GRM7: variants seen among roughly 807,000 people sequenced by gnomAD.
GRM7 encodes glutamate metabotropic receptor 7.
A neutral mutation model predicts 84.5 loss-of-function variants in GRM7; 35 were observed. The ratio of observed to expected loss-of-function variants is 0.41; its 90% CI spans 0.32 to 0.55. The LOEUF (loss-of-function observed/expected upper bound fraction) is 0.55. Ranked by LOEUF, GRM7 falls within the 20% of genes least tolerant of loss-of-function variation. GRM7 has a pLI of 0.19. For missense variants in GRM7, 1,003 were observed against 1,194.6 expected (o/e 0.84, Z 2.36); for synonymous variants, 487 against 455.1 (o/e 1.07, Z -0.89).
chr3:7,379,833 A>T (rs1404295583), intron 4 of GRM7, among the ~76,000 whole-genome samples: 1 of 152,092 alleles, frequency 6.6e-6, no homozygotes, highest in East Asian at 1.9e-4. Context: ...TTAGTTGCCC[A>T]GGGTGCAGTA....
At chr3:7,664,760 A>T (rs1285333536) in intron 8 of GRM7, among the ~76,000 whole-genome samples, 1 of 152,184 alleles carries the variant, frequency 6.6e-6, no homozygotes, top group Non-Finnish European at 1.5e-5. Flanking sequence ...AAAGAAAATT[A>T]TAAAGATACT....
At chr3:7,335,029 C>A (rs1701349909) in intron 4 of GRM7, among the ~76,000 whole-genome samples, 1 of 152,042 alleles carries the variant, frequency 6.6e-6, no homozygotes, top group South Asian at 2.1e-4. Flanking sequence ...AACAAAGAAA[C>A]AATGGGCTTA....
chr3:7,645,300 G>A (rs1039202907), intron 8 of GRM7, among the ~76,000 whole-genome samples: 1 of 152,000 alleles, frequency 6.6e-6, no homozygotes, highest in Admixed American at 6.5e-5. Flanking sequence ...TGTAATCCCA[G>A]CACTTTGGGA....
At chr3:7,322,633 C>A (rs1700827634) in intron 4 of GRM7, among the ~76,000 whole-genome samples, 1 of 151,686 alleles carries the variant, frequency 6.6e-6, no homozygotes, top group Non-Finnish European at 1.5e-5. Flanking sequence ...TTAGCTCTCA[C>A]TTATAAGTGA....
At chr3:7,301,916 G>A (rs749813628) in intron 3 of GRM7, among the ~76,000 whole-genome samples, 16 of 152,118 alleles carry the variant, frequency 1.1e-4, no homozygotes, top group Non-Finnish European at 2.2e-4. Context: ...TCAAAGGCTA[G>A]CAGTGAGAAG....
At chr3:7,424,708 G>C (rs1457714104) in intron 5 of GRM7, among the ~76,000 whole-genome samples, 1 of 152,182 alleles carries the variant, frequency 6.6e-6, no homozygotes, top group Non-Finnish European at 1.5e-5. Context: ...GCCAGTTTCT[G>C]TGCTGAGCCA....
chr3:6,980,150 T>C (rs1467208272), intron 1 of GRM7, among the ~76,000 whole-genome samples: 1 of 152,154 alleles, frequency 6.6e-6, no homozygotes, highest in Non-Finnish European at 1.5e-5. Context: ...TTTCATTCTT[T>C]CACTCTTTCT....
At chr3:7,062,315 G>C (rs962147417) in intron 1 of GRM7, among the ~76,000 whole-genome samples, 7 of 151,604 alleles carry the variant, frequency 4.6e-5, no homozygotes, top group African/African-American at 9.7e-5. Flanking sequence ...ACATGAAGGA[G>C]ACGGTGTACA....
chr3:6,874,136 A>G (rs922145560), intron 1 of GRM7, among the ~76,000 whole-genome samples: 2 of 152,190 alleles, frequency 1.3e-5, no homozygotes, highest in East Asian at 1.9e-4. Context: ...TGTACTGCAT[A>G]CTGTTGTTGT....
chr3:7,404,903 C>G (rs867902735), intron 4 of GRM7, among the ~76,000 whole-genome samples: 2 of 152,236 alleles, frequency 1.3e-5, no homozygotes, highest in Middle Eastern at 3.4e-3. Context: ...TCTTGATAGA[C>G]AATCTCTAAC....
intron 2 of GRM7, among the ~76,000 whole-genome samples, chr3:7,189,788 G>A (rs1458249054): frequency 6.6e-6 from 1 of 151,954 alleles, no homozygotes; most frequent in Non-Finnish European, 1.5e-5. Flanking sequence ...GCAATTTAAT[G>A]GTAACAAATC....
intron 2 of GRM7, among the ~76,000 whole-genome samples, chr3:7,159,903 G>A (rs1395645855): frequency 4.6e-5 from 7 of 152,104 alleles, no homozygotes; most frequent in Non-Finnish European, 8.8e-5. Flanking sequence ...AAGTGCTTAA[G>A]CTTTGGTTTT....
chr3:7,656,551 A>G (rs1310013503), intron 8 of GRM7, among the ~76,000 whole-genome samples: 1 of 130,908 alleles, frequency 7.6e-6, no homozygotes, highest in South Asian at 2.5e-4. Flanking sequence ...GCGCGCGCAC[A>G]CACACACACA....
In GRM7 at chr3:7,688,569, T is replaced by G. The variant is rs532154824; in HGVS notation, c.2698+8274T>G. The stretch of plus-strand genomic sequence containing the variant: ...GGGATATAAGTTGGTTTAAGTTACA[T>G]TAACTCAAGGAACACGTGATTTACT... On this transcript the variant is annotated intron_variant, in intron 9 of 9. Coordinates refer to ENST00000357716, the MANE Select transcript of GRM7 (RefSeq NM_000844.4). 1.2e-4 allele frequency among the ~76,000 whole-genome samples: 19 copies of G among 152,316 alleles called. No individual in the cohort carries two copies. The South Asian group carries it at 3.9e-3, about 32-fold the overall frequency.
chr3:6,958,077 A>ATGTGTG (rs139080887), intron 1 of GRM7, among the ~76,000 whole-genome samples: 1 of 150,678 alleles, frequency 6.6e-6, no homozygotes, highest in Admixed American at 6.6e-5. Context: ...ATGTGTATAT[A>ATGTGTG]TGTGTGTGTG....
At chr3:7,554,011 G>C (rs145828191) in intron 7 of GRM7, among the ~76,000 whole-genome samples, 160 of 152,252 alleles carry the variant, frequency 1.1e-3, no homozygotes, top group African/African-American at 3.5e-3. Flanking sequence ...TAGGGCAGGG[G>C]TAAAGGGTCT....
At chr3:7,594,171 C>A (rs1019363765) in intron 8 of GRM7, among the ~76,000 whole-genome samples, 1 of 152,046 alleles carries the variant, frequency 6.6e-6, no homozygotes, top group African/African-American at 2.4e-5. Context: ...GTCCAGTGGC[C>A]ATCTGAGATA....
At chr3:6,994,150 T>C (rs371661386) in intron 1 of GRM7, among the ~76,000 whole-genome samples, 3 of 152,086 alleles carry the variant, frequency 2.0e-5, no homozygotes, top group Admixed American at 6.5e-5. Context: ...ATTGAGCCAA[T>C]AGAGGCCATC....
At chr3:7,002,340 G>A (rs534615428) in intron 1 of GRM7, among the ~76,000 whole-genome samples, 23 of 152,212 alleles carry the variant, frequency 1.5e-4, no homozygotes, top group Admixed American at 9.8e-4. Context: ...TAACCGTAGG[G>A]CTTCTCTACT....
Sources: gnomAD v4.1 joint callset for allele counts (sites outside exome capture counted in the v4.1 genomes callset) on GRCh38, gnomAD v4.1.1 for gene constraint, MANE v1.5 for transcripts, NCBI Gene and HGNC (gene_info 2026-07-23, HGNC 2026-07-21) for gene names.